The following MYO15B variants were observed in gnomAD, a reference collection of about 807,000 sequenced individuals.
MYO15B encodes the protein myosin XVB pseudogene.
A neutral mutation model predicts 119.3 loss-of-function variants in MYO15B; 207 were observed. That is an observed-to-expected ratio of 1.73 (90% confidence interval 1.55 to 1.95). The LOEUF (loss-of-function observed/expected upper bound fraction) is 1.95. Among genes scored for constraint, MYO15B ranks in the 30% most tolerant of loss-of-function variants. The pLI, the probability that MYO15B is intolerant of heterozygous loss-of-function variation, is 0.00. For missense variants in MYO15B, 2,264 were observed against 1,203.1 expected (o/e 1.88, Z -13.04); for synonymous variants, 966 against 498.9 (o/e 1.94, Z -12.48).
In MYO15B at chr17:75,620,036, G is replaced by A. The variant is rs1446223631; in HGVS notation, c.7443+16G>A. The stretch of plus-strand genomic sequence containing the variant: ...GCTTAAGAAGGTAAGTGTGGGGCAC[G>A]GGTTGAGAGGCCGGGCAGACAGCCC... On this transcript the variant is annotated intron_variant, in intron 47 of 63. Coordinates refer to ENST00000645453, the Ensembl canonical transcript of MYO15B. The A allele has an allele frequency of 7.2e-6, 5 of 694,374 alleles. No individual in the cohort carries two copies. The highest frequency in any genetic ancestry group is 5.4e-5 in the East Asian group (2 of 37,202). The allele number at this position is 694,374 out of a possible 1,614,324, so 43.0% of individuals were successfully genotyped here.
chr17:75,606,175 A>G (rs1047841214), intron 21 of MYO15B, 154 bp downstream of exon 21: 3 of 563,666 alleles, frequency 5.3e-6, no homozygotes, highest in Non-Finnish European at 9.5e-6. Flanking sequence ...CCTTGACGGC[A>G]TTACCCCCCA....
rs921426364 is a variant in MYO15B, at chr17:75,623,868, G to A, written c.8156+14G>A. 18 of 549,978 alleles carry A rather than the reference G, an allele frequency of 3.3e-5. No individual in the cohort carries two copies. The highest frequency in any genetic ancestry group is 2.9e-4 in the Admixed American group (9 of 31,068). The allele number at this position is 549,978 out of a possible 1,614,324, so 34.1% of individuals were successfully genotyped here. ...ACACCCCCGGCCGTGAGTGGGGACC[G>A]GTGGCTTCTGGGGGTGGCTTCTGGG... On this transcript the variant is annotated intron_variant, in intron 54 of 63. Transcript: ENST00000645453.
At position 75,590,892 on chromosome 17, in the gene MYO15B, T is replaced by A; in HGVS notation, c.2251-15T>A. ...CTCCCTCCACACTCTGATGAGAGCT[T>A]GTTTTCCTCCCCAGACCTTTGGGGG... On this transcript the variant is annotated splice_polypyrimidine_tract_variant and intron_variant, in intron 2 of 63. Coordinates refer to ENST00000645453, the Ensembl canonical transcript of MYO15B. The A allele has an allele frequency of 4.7e-6, 2 of 425,276 alleles. No homozygotes were observed. The highest frequency in any genetic ancestry group is 8.7e-6 in the Non-Finnish European group (2 of 229,214). 26.3% of individuals were successfully genotyped at this position (425,276 alleles called of 1,614,324 possible).
rs2056449327 is a variant in MYO15B at position 75,591,519 on chromosome 17, G to A, written c.2436-82G>A. 8.6e-6 allele frequency: 6 copies of A among 695,422 alleles called. No homozygotes were observed. The South Asian group carries it at 9.0e-5, about 10-fold the overall frequency. 43.1% of individuals were successfully genotyped at this position (695,422 alleles called of 1,614,324 possible). A position where few individuals can be genotyped will look rare whatever the true frequency, so the allele number is the denominator to read the frequency against. On this transcript the variant is annotated intron_variant, in intron 4 of 63. Coordinates refer to ENST00000645453, the Ensembl canonical transcript of MYO15B. ...TCTCCAGGCTAGCTGTCACTTCTGG[G>A]TGGCACATCCCACTTCCTGGGTTCA...
intron 14 of MYO15B, among the ~76,000 whole-genome samples, chr17:75,600,291 T>C (rs1012755163): frequency 6.6e-6 from 1 of 151,914 alleles, no homozygotes; most frequent in Admixed American, 6.6e-5. Context: ...CCTCCCAAAG[T>C]GCTGGGATTA....
intron 12 of MYO15B, among the ~76,000 whole-genome samples, chr17:75,595,264 C>T (rs1016915733): frequency 9.2e-5 from 14 of 152,178 alleles, no homozygotes; most frequent in African/African-American, 3.4e-4. Context: ...AGGACGATGC[C>T]CCTCACCCCA....
exon 1 of MYO15B, among the ~76,000 whole-genome samples, chr17:75,587,876 G>A (rs930493546): frequency 6.6e-6 from 1 of 152,266 alleles, no homozygotes; most frequent in Admixed American, 6.5e-5. Flanking sequence ...AGGGGGTCAG[G>A]ACCCGCCGCC....
At chr17:75,610,592 A>G in intron 22 of MYO15B, 1 of 535,504 alleles carries the variant, frequency 1.9e-6, no homozygotes, top group Non-Finnish European at 3.3e-6. Context: ...AAAGCGACTC[A>G]AAGGTCAATG....
chr17:75,611,589 C>T lies in MYO15B; in HGVS notation c.4447-12C>T, dbSNP rs775375944. The T allele has an allele frequency of 1.4e-6, 1 of 702,648 alleles. No homozygotes were observed. Among genetic ancestry groups the T allele is most frequent in the Non-Finnish European group, 2.6e-6 (1 of 384,976 alleles). 43.5% of individuals were successfully genotyped at this position (702,648 alleles called of 1,614,324 possible). The stretch of plus-strand genomic sequence containing the variant: ...TCCTGTGGATCCTGGGTAAATGAGT[C>T]CCCTCTGCCAGGAGCTGGGGCGCTT... On this transcript the variant is annotated splice_polypyrimidine_tract_variant and intron_variant, in intron 23 of 63. Transcript: ENST00000645453.
chr17:75,617,556 G>A (rs1403895055), intron 41 of MYO15B: 5 of 382,918 alleles, frequency 1.3e-5, no homozygotes, highest in Non-Finnish European at 1.9e-5. Context: ...ACACATACCC[G>A]ACAGCTCTGT....
chr17:75,607,045 G>A (rs1463607666), intron 21 of MYO15B: 7 of 398,280 alleles, frequency 1.8e-5, no homozygotes, highest in Non-Finnish European at 3.1e-5. Context: ...CTCCCAGGCT[G>A]GTTGGGAAGT....
chr17:75,625,735 G>A (rs1297293439), intron 61 of MYO15B, 75 bp downstream of exon 61: 9 of 701,052 alleles, frequency 1.3e-5, no homozygotes, highest in East Asian at 2.7e-5. Context: ...GAGGGGCGAG[G>A]AGGGGTCTGC....
exon 16 of MYO15B, chr17:75,602,591 C>T: frequency 1.5e-6 from 1 of 671,136 alleles, no homozygotes; most frequent in African/African-American, 1.8e-5. Context: ...AGAGCCAGCT[C>T]CAGGTGCCCA....
rs745571821 is a variant in MYO15B, at chr17:75,615,243, A to G, written c.5645A>G (p.Tyr1882Cys). 5.3e-5 allele frequency: 37 copies of G among 702,402 alleles called. 1 individual carries two copies. In the Middle Eastern group the frequency reaches 1.6e-3, roughly 30 times the overall value. The allele number at this position is 702,402 out of a possible 1,614,324, so 43.5% of individuals were successfully genotyped here. A position where few individuals can be genotyped will look rare whatever the true frequency, so the allele number is the denominator to read the frequency against. The change falls in exon 34 of 64, where the codon TAC becomes TGC. Residue 1882 changes from tyrosine (Y) to cysteine (C), a missense_variant. Tyr to Cys is a radical substitution (Grantham distance 194, BLOSUM62 -2). Transcript: ENST00000645453. ...CAGGGAGGGCGTGTTCCCTCAGTGT[A>G]CCCAGGAATGATTCAGATGCCTGCA...
chr17:75,610,856 A>T (rs1213060042), intron 22 of MYO15B, 44 bp from the exon 23 acceptor site: 1 of 702,658 alleles, frequency 1.4e-6, no homozygotes, highest in Non-Finnish European at 2.6e-6. Context: ...CCCCCAGGTG[A>T]CTCACATGGG....
chr17:75,626,774 C>T (rs1227978058), exon 64 of MYO15B: 22 of 526,444 alleles, frequency 4.2e-5, no homozygotes, highest in South Asian at 1.1e-4. Flanking sequence ...CCCCAGGCTC[C>T]GCCCAGGCCC....
rs1051221754 is a variant in MYO15B, at chr17:75,623,937, T to C, written c.8157-12T>C. The C allele has an allele frequency of 1.4e-6, 1 of 702,910 alleles. No individual in the cohort carries two copies. The highest frequency in any genetic ancestry group is 2.6e-6 in the Non-Finnish European group (1 of 384,988). The allele number at this position is 702,910 out of a possible 1,614,324, so 43.5% of individuals were successfully genotyped here. On this transcript the variant is annotated splice_polypyrimidine_tract_variant and intron_variant, in intron 54 of 63. Coordinates refer to ENST00000645453, the Ensembl canonical transcript of MYO15B. ...CCTGGCCAGCCTGAAGCCCGAGCGCTCTGCCCTGCAGGGAACACTGCACTC... is the reference window on the plus strand; with the variant it reads ...CCTGGCCAGCCTGAAGCCCGAGCGCCCTGCCCTGCAGGGAACACTGCACTC...
exon 1 of MYO15B, chr17:75,590,239 T>C (rs1359111693): frequency 2.5e-5 from 10 of 398,972 alleles, no homozygotes; most frequent in Non-Finnish European, 3.1e-5. Context: ...CCTGGCGCGG[T>C]TGCGGTTAGC....
At chr17:75,600,436 T>C (rs1404077473) in intron 14 of MYO15B, among the ~76,000 whole-genome samples, 12 of 150,630 alleles carry the variant, frequency 8.0e-5, no homozygotes, top group Non-Finnish European at 1.8e-4. Context: ...ATTTCTTTTT[T>C]TTTTTTTGTT....
Sources: gnomAD v4.1 joint callset for allele counts (sites outside exome capture counted in the v4.1 genomes callset) on GRCh38, gnomAD v4.1.1 for gene constraint, MANE v1.5 for transcripts, NCBI Gene and HGNC (gene_info 2026-07-23, HGNC 2026-07-21) for gene names.